MROH2A: variants seen among roughly 807,000 people sequenced by gnomAD.
MROH2A encodes maestro heat-like repeat-containing protein family member 2A.
Under a neutral mutation model 200.4 loss-of-function variants are expected in MROH2A, and 174 were observed. That is an observed-to-expected ratio of 0.87 (90% CI 0.77 to 0.98). MROH2A has a LOEUF of 0.98. MROH2A is among the 50% of genes least tolerant of loss of function. The pLI is 0.00. For missense variants in MROH2A, 2,045 were observed against 2,139.6 expected (o/e 0.96, Z 0.87); for synonymous variants, 829 against 840.4 (o/e 0.99, Z 0.23).
At position 233,779,850 on chromosome 2, in the gene MROH2A, G is replaced by C; in HGVS notation, c.274G>C (p.Glu92Gln). 6.5e-7 allele frequency: 1 copy of C among 1,549,382 alleles called. No homozygotes were observed. Among genetic ancestry groups the C allele is most frequent in the Non-Finnish European group, 8.7e-7 (1 of 1,146,696 alleles). Residue 92 changes from glutamate (E) to glutamine (Q), a missense_variant and splice_region_variant, in exon 3 of 42, where the codon GAG (glutamate) becomes CAG (glutamine). Around this residue, in one of 3 missense-constraint regions of MROH2A, gnomAD observed 831 missense variants for 800.0 expected, o/e 1.04. Coordinates refer to ENST00000389758, the MANE Select transcript of MROH2A (RefSeq NM_001394639.1). ...TCTCATCCGCTGCCTGCAGGTGCCA[G>C]AGGTAGGGCCATCTTACCCACTGGG... is the stretch of plus-strand genomic sequence containing the variant. ...NTLIRCLQVPEISTQRKVNIY... is the reference protein window; with the variant it reads ...NTLIRCLQVPQISTQRKVNIY...
intron 31 of MROH2A, among the ~76,000 whole-genome samples, chr2:233,821,619 G>C (rs1223671427): frequency 3.3e-5 from 5 of 152,196 alleles, no homozygotes; most frequent in South Asian, 2.1e-4. Flanking sequence ...CATGGGCTTG[G>C]ACTTGGAAAC....
chr2:233,792,007 C>T (rs947684370), intron 5 of MROH2A, among the ~76,000 whole-genome samples: 9 of 152,078 alleles, frequency 5.9e-5, no homozygotes, highest in African/African-American at 1.2e-4. Flanking sequence ...TTCCTTCATC[C>T]GTCTGCTCTT....
chr2:233,808,701 G>A lies in MROH2A; in HGVS notation c.2296-425G>A, dbSNP rs114882140. ...CTCAGAGATTGTTCTGAGGGTGTGA[G>A]CACCGTGAGGGCAAAGTGGAGGCTG... On this transcript the variant is annotated intron_variant, in intron 21 of 41. Transcript: ENST00000389758. Among the ~76,000 whole-genome samples, 334 of 152,336 alleles carry A rather than the reference G, an allele frequency of 2.2e-3. 1 individual carries two copies. Among genetic ancestry groups the A allele is most frequent in the Non-Finnish European group, 3.2e-3 (221 of 68,026 alleles).
At chr2:233,829,502 C>T (rs1238993333) in intron 37 of MROH2A, 118 bp from the exon 38 acceptor site, 16 of 1,015,210 alleles carry the variant, frequency 1.6e-5, no homozygotes, top group African/African-American at 3.4e-5. Context: ...TACACCCTGA[C>T]GGAATGATCC....
chr2:233,781,329 G>T (rs1379692557), intron 3 of MROH2A, among the ~76,000 whole-genome samples: 1 of 152,082 alleles, frequency 6.6e-6, no homozygotes, highest in East Asian at 1.9e-4. Context: ...TTCCATAATG[G>T]CTGTACTAAT....
In MROH2A at chr2:233,779,630, G is replaced by T. The variant is rs1035689311; in HGVS notation, c.95-41G>T. 7 of 1,544,586 alleles carry T rather than the reference G, an allele frequency of 4.5e-6. No individual in the cohort carries two copies. The African/African-American group carries it at 6.9e-5, about 15-fold the overall frequency. On this transcript the variant is annotated intron_variant, in intron 2 of 41. Transcript: ENST00000389758. Reference sequence around the variant, plus strand: ...GGACACAAGGGCACCTCCTGTCATGGTCATTTCCACACTGCACCTGGGTGG... The same window carrying T: ...GGACACAAGGGCACCTCCTGTCATGTTCATTTCCACACTGCACCTGGGTGG...
At chr2:233,800,044 C>A in intron 13 of MROH2A, 145 bp downstream of exon 13, 1 of 1,220,312 alleles carries the variant, frequency 8.2e-7, no homozygotes, top group Non-Finnish European at 1.1e-6. Context: ...AGTGAACCTG[C>A]AGGTGACAAT....
intron 19 of MROH2A, among the ~76,000 whole-genome samples, chr2:233,806,324 T>G (rs1411295892): frequency 6.6e-6 from 1 of 152,200 alleles, no homozygotes; most frequent in Admixed American, 6.5e-5. Context: ...ATTTTTTGTG[T>G]GCTTCTACTA....
At chr2:233,819,562 C>G in intron 30 of MROH2A, 93 bp downstream of exon 30, 3 of 1,304,360 alleles carry the variant, frequency 2.3e-6, no homozygotes, top group Non-Finnish European at 3.1e-6. Context: ...CACCAGCACT[C>G]GCTGAGAATG....
At position 233,830,966 on chromosome 2, in the gene MROH2A, T is replaced by C. The variant is rs1169352391; in HGVS notation, c.4603-443T>C. On this transcript the variant is annotated intron_variant, in intron 38 of 41. Transcript: ENST00000389758. ...TGGTGACCGAGAGTGAGGAAAGGGC[T>C]ACCGAGACAGAAGCATTTTGTCTTC... Among the ~76,000 whole-genome samples the C allele has an allele frequency of 2.0e-5, 3 of 152,248 alleles. No homozygotes were observed. The East Asian group carries it at 5.8e-4, about 29-fold the overall frequency.
Position 233,816,793 on chromosome 2 carries a change from T to G in MROH2A, c.2869T>G (p.Trp957Gly), listed in dbSNP as rs1703563079. Residue 957 changes from tryptophan to glycine, a missense_variant, in exon 27 of 42, where the codon TGG (tryptophan) becomes GGG (glycine). Physicochemically the swap from Trp to Gly is radical, Grantham distance 184. This residue lies in a region of MROH2A where 1,201 missense variants were observed against 1,311.3 expected (regional missense o/e 0.92). Transcript: ENST00000389758. ...GCTCTACCCATAGCTCCTGGAAAAG[T>G]GGATCTTGTCGGAGAAAGAATGGGA... The part of the protein sequence containing the change: ...LQEMVQLLEK[W>G]ILSEKEWERE... The G allele has an allele frequency of 1.3e-6, 2 of 1,550,120 alleles. No homozygotes were observed. The highest frequency in any genetic ancestry group is 2.7e-5 in the African/African-American group (2 of 73,024).
intron 12 of MROH2A, among the ~76,000 whole-genome samples, chr2:233,799,181 G>A (rs1053969169): frequency 1.3e-5 from 2 of 152,068 alleles, no homozygotes; most frequent in African/African-American, 4.8e-5. Context: ...AGCAACTAAG[G>A]GGTACTCCTC....
At chr2:233,804,249 G>A (rs1436925692) in intron 17 of MROH2A, 57 bp downstream of exon 17, 107 of 1,537,728 alleles carry the variant, frequency 7.0e-5, no homozygotes, top group Non-Finnish European at 8.8e-7. Flanking sequence ...TATGTGCTGG[G>A]GTTCTAATCA....
chr2:233,814,648 GA>G lies in MROH2A; in HGVS notation c.2828del (p.Asp943AlafsTer28). The G allele has an allele frequency of 2.0e-5, 31 of 1,550,460 alleles. No individual in the cohort carries two copies. Among genetic ancestry groups the G allele is most frequent in the Non-Finnish European group, 2.7e-5 (31 of 1,146,912 alleles). On this transcript the variant is annotated frameshift_variant, in exon 26 of 42. Coordinates refer to ENST00000389758, the MANE Select transcript of MROH2A (RefSeq NM_001394639.1). LOFTEE classifies it high-confidence loss of function. ...GGAGAGCCTCCTGCAGAGGCAGCTGGACCCCAAGGGGCTGCAGGAGATGGTG... is the reference window on the plus strand; with the variant it reads ...GGAGAGCCTCCTGCAGAGGCAGCTGGCCCCAAGGGGCTGCAGGAGATGGTG... ...LMESLLQRQL[D>X]PKGLQEMVQL...
chr2:233,823,300 T>C (rs988545160), intron 34 of MROH2A, among the ~76,000 whole-genome samples: 1 of 152,172 alleles, frequency 6.6e-6, no homozygotes, highest in Non-Finnish European at 1.5e-5. Context: ...GGGAGTTACT[T>C]CTGGGGTCCT....
Position 233,828,704 on chromosome 2 carries a change from C to T in MROH2A, c.4188C>T (p.Asp1396=), listed in dbSNP as rs1212915269. Residue 1396 remains aspartate (D), a synonymous_variant, in exon 36 of 42, where the codon GAC becomes GAT. Coordinates refer to ENST00000389758, the MANE Select transcript of MROH2A (RefSeq NM_001394639.1). The surrounding 1 kb of genome is among the most constrained non-coding windows in gnomAD (Gnocchi z 4.6). ...CTTTGCTGCTGGAGAAGGGTGCCGA[C>T]CAGGAGGAAGACGAGGCCCTGCGGG... The part of the protein sequence containing the change: ...PAALLLEKGA[D]QEEDEALRVL... 6.4e-7 allele frequency: 1 copy of T among 1,550,686 alleles called. No homozygotes were observed. The highest frequency in any genetic ancestry group is 1.4e-5 in the African/African-American group (1 of 73,166).
At position 233,819,356 on chromosome 2, in the gene MROH2A, C is replaced by T; in HGVS notation, c.3244C>T (p.Leu1082Phe). ...MEFSCDEVVS[L>F]IQKLCENTGA... ...GTTTAGCTGCGATGAGGTGGTCTCG[C>T]TCATCCAGAAGCTCTGCGAGAACAC... Residue 1082 changes from leucine (L) to phenylalanine (F), a missense_variant, in exon 30 of 42, where the codon CTC becomes TTC. By Grantham distance (22) the Leu-to-Phe change is conservative. Coordinates refer to ENST00000389758, the MANE Select transcript of MROH2A (RefSeq NM_001394639.1). 1.3e-6 allele frequency: 2 copies of T among 1,550,520 alleles called. No individual in the cohort carries two copies.
intron 3 of MROH2A, among the ~76,000 whole-genome samples, chr2:233,786,696 A>G (rs1415552912): frequency 6.6e-6 from 1 of 152,218 alleles, no homozygotes; most frequent in Non-Finnish European, 1.5e-5. Flanking sequence ...GCAAGGACCC[A>G]GGTGCCAAAG....
chr2:233,789,945 C>A lies in MROH2A; in HGVS notation c.502C>A (p.His168Asn). ...FSLVMYELQH[H>N]LKPLNLTDEF... The stretch of plus-strand genomic sequence containing the variant: ...CTTGGTCATGTACGAGCTGCAGCAC[C>A]ACCTCAAGCCCCTCAACCTCACTGA... Residue 168 changes from histidine to asparagine, a missense_variant, in exon 5 of 42, where the codon CAC (histidine) becomes AAC (asparagine). Physicochemically the swap from His to Asn is moderately conservative, Grantham distance 68. Transcript: ENST00000389758. The A allele has an allele frequency of 6.4e-7, 1 of 1,550,508 alleles. No homozygotes were observed. The highest frequency in any genetic ancestry group is 8.7e-7 in the Non-Finnish European group (1 of 1,146,934).
Sources: gnomAD v4.1 joint callset for allele counts (sites outside exome capture counted in the v4.1 genomes callset) on GRCh38, gnomAD v4.1.1 for gene constraint, gnomAD v4.1.1 regional missense constraint, Gnocchi (gnomAD v3.1) non-coding constraint, MANE v1.5 for transcripts, NCBI Gene and HGNC (gene_info 2026-07-23, HGNC 2026-07-21) for gene names.